The following DRAXIN variants were observed in gnomAD, a reference collection of about 807,000 sequenced individuals.
DRAXIN encodes dorsal repulsive axon guidance protein.
Under a neutral mutation model 33.9 loss-of-function variants are expected in DRAXIN, and 27 were observed. That is an observed-to-expected ratio of 0.80 (90% CI 0.59 to 1.10). The LOEUF (loss-of-function observed/expected upper bound fraction) is 1.10, where lower values mean the gene tolerates loss of function less well. DRAXIN is among the 50% of genes least tolerant of loss of function. The pLI is 0.00. For synonymous variants in DRAXIN, 178 were observed against 194.0 expected (o/e 0.92, Z 0.69); for missense variants, 371 against 460.8 (o/e 0.81, Z 1.78).
Position 11,721,097 on chromosome 1 carries a change from C to T in DRAXIN, c.*1401C>T, listed in dbSNP as rs1238346418. 6.6e-6 allele frequency: 1 copy of T among 152,210 alleles called. No individual in the cohort carries two copies. The highest frequency in any genetic ancestry group is 1.5e-5 in the Non-Finnish European group (1 of 68,062). The allele number at this position is 152,210 out of a possible 1,614,324, so 9.4% of individuals were successfully genotyped here. A position where few individuals can be genotyped will look rare whatever the true frequency, so the allele number is the denominator to read the frequency against. ...AGGCACTTTACAGTTTTCTGGAGCACTTCCCCCCCAGGGGTTCTGATGCAA... is the reference window on the plus strand; with the variant it reads ...AGGCACTTTACAGTTTTCTGGAGCATTTCCCCCCCAGGGGTTCTGATGCAA... On this transcript the variant is annotated 3_prime_UTR_variant, in exon 7 of 7. Coordinates refer to ENST00000294485, the MANE Select transcript of DRAXIN (RefSeq NM_198545.4).
At chr1:11,719,117 T>C (rs1247932047) in intron 6 of DRAXIN, among the ~76,000 whole-genome samples, 6 of 152,302 alleles carry the variant, frequency 3.9e-5, no homozygotes, top group Middle Eastern at 6.8e-3. Context: ...TTGGCCAGGC[T>C]GGTCTCAAAC....
rs112081253 is a variant in DRAXIN at position 11,692,510 on chromosome 1, C to G, written c.-11+657C>G. ...GGCGCTGGTCTTTCGCCTGTGGTCT[C>G]CCGCTCTGTCCCTCCTGCTCCCCAC... On this transcript the variant is annotated intron_variant, in intron 1 of 6. Coordinates refer to ENST00000294485, the MANE Select transcript of DRAXIN (RefSeq NM_198545.4). The surrounding 1 kb of genome is among the most constrained non-coding windows in gnomAD (Gnocchi z 5.8). 1.2e-4 allele frequency among the ~76,000 whole-genome samples: 18 copies of G among 152,314 alleles called. No homozygotes were observed. Among genetic ancestry groups the G allele is most frequent in the African/African-American group, 4.3e-4 (18 of 41,572 alleles).
chr1:11,702,351 GACA>G (rs1314026690), intron 1 of DRAXIN, among the ~76,000 whole-genome samples: 2 of 136,288 alleles, frequency 1.5e-5, no homozygotes, highest in East Asian at 2.2e-4. Flanking sequence ...CACATACACT[GACA>G]ACACACACAC....
At chr1:11,719,536 G>A (rs781718519) in intron 6 of DRAXIN, 48 bp from the exon 7 acceptor site, 16 of 1,515,092 alleles carry the variant, frequency 1.1e-5, no homozygotes, top group African/African-American at 1.4e-5. Flanking sequence ...GGAAGGGGAG[G>A]GCACGGGCCC....
At chr1:11,698,959 T>C (rs1220661649) in intron 1 of DRAXIN, among the ~76,000 whole-genome samples, 1 of 152,190 alleles carries the variant, frequency 6.6e-6, no homozygotes. Context: ...GGGGATACAA[T>C]TCCTCCCCAC....
rs1243056596 is a variant in DRAXIN, at chr1:11,704,392, C to T, written c.-10-1857C>T. On this transcript the variant is annotated intron_variant, in intron 1 of 6. Transcript: ENST00000294485. The surrounding 1 kb of genome is among the most constrained non-coding windows in gnomAD (Gnocchi z 4.6). ...CAGCCCAGAGAGCAGCCCCGCTCCA[C>T]TGGCCCCGAAGCAGGATTGAGGTTC... is the stretch of plus-strand genomic sequence containing the variant. Among the ~76,000 whole-genome samples, 1 of 152,258 alleles carries T rather than the reference C, an allele frequency of 6.6e-6. No individual in the cohort carries two copies. The highest frequency in any genetic ancestry group is 1.5e-5 in the Non-Finnish European group (1 of 68,044).
Position 11,724,532 on chromosome 1 carries a change from A to G in DRAXIN, c.*4836A>G, listed in dbSNP as rs1641712792. ...CAGCCCCTTGAGGAGTGACCAAGCCACAAAGTAAATCCTAAAGCCACAACC... is the reference window on the plus strand; with the variant it reads ...CAGCCCCTTGAGGAGTGACCAAGCCGCAAAGTAAATCCTAAAGCCACAACC... On this transcript the variant is annotated 3_prime_UTR_variant, in exon 7 of 7. Coordinates refer to ENST00000294485, the MANE Select transcript of DRAXIN (RefSeq NM_198545.4). 1 of 152,342 alleles carries G rather than the reference A, an allele frequency of 6.6e-6. No homozygotes were observed. Among genetic ancestry groups the G allele is most frequent in the Non-Finnish European group, 1.5e-5 (1 of 68,114 alleles). The allele number at this position is 152,342 out of a possible 1,614,324, so 9.4% of individuals were successfully genotyped here. A position where few individuals can be genotyped will look rare whatever the true frequency, so the allele number is the denominator to read the frequency against.
chr1:11,710,184 CA>C (rs34519157), intron 3 of DRAXIN, among the ~76,000 whole-genome samples: 73,073 of 122,142 alleles, frequency 0.6, 19,975 homozygotes, highest in African/African-American at 0.7. Context: ...GACTTTGTCT[CA>C]AAAAAAAAAA....
rs371999753 is a variant in DRAXIN at position 11,712,349 on chromosome 1, G to A, written c.767G>A (p.Arg256His). The A allele has an allele frequency of 7.2e-5, 117 of 1,613,856 alleles. No individual in the cohort carries two copies. The highest frequency in any genetic ancestry group is 6.7e-5 in the East Asian group (3 of 44,886). ...WPSAKKKEKH[R>H]GKLSSDGNET... is the part of the protein sequence containing the mutation. ...ATCTTCTTATCCCCAGAGAAACACC[G>A]CGGTAAACTCTCCAGTGATGGTAAC... is the stretch of plus-strand genomic sequence containing the variant. The change falls in exon 5 of 7, where the codon CGC (arginine) becomes CAC (histidine). Residue 256 changes from arginine (R) to histidine (H), a missense_variant. Transcript: ENST00000294485.
At chr1:11,719,559 A>AC (rs773021157) in intron 6 of DRAXIN, 25 bp from the exon 7 acceptor site, 136 of 1,587,162 alleles carry the variant, frequency 8.6e-5, no homozygotes, top group Middle Eastern at 3.9e-4. Context: ...CGCGCCTCTG[A>AC]CCCCCCTTGC....
intron 1 of DRAXIN, among the ~76,000 whole-genome samples, chr1:11,702,671 T>TACATGCCAGATGCTCACACAC (rs1380491130): frequency 6.6e-6 from 1 of 151,302 alleles, no homozygotes; most frequent in Non-Finnish European, 1.5e-5. Flanking sequence ...TGCTCACACA[T>TACATGCCAGATGCTCACACAC]ACATGCCAGA....
At chr1:11,688,517 C>T (rs554569908), upstream of DRAXIN, among the ~76,000 whole-genome samples, 14 of 151,794 alleles carry the variant, frequency 9.2e-5, no homozygotes, top group African/African-American at 2.4e-5. This position sits in a 1 kb window ranked among gnomAD's most constrained non-coding sequence, Gnocchi z 4.6. Flanking sequence ...GCCAAGATCG[C>T]GCCACTGCAC....
Position 11,696,650 on chromosome 1 carries a change from C to T in DRAXIN, c.-11+4797C>T, listed in dbSNP as rs1189921560. 6.6e-6 allele frequency among the ~76,000 whole-genome samples: 1 copy of T among 151,728 alleles called. No individual in the cohort carries two copies. The highest frequency in any genetic ancestry group is 1.5e-5 in the Non-Finnish European group (1 of 67,960). ...CGAGCAGGTCACGAGGTCAAGAGAT[C>T]GAGAACATCCTAATCAACACGGTGA... On this transcript the variant is annotated intron_variant, in intron 1 of 6. Transcript: ENST00000294485. The surrounding 1 kb of genome is among the most constrained non-coding windows in gnomAD (Gnocchi z 4.7).
chr1:11,705,365 A>C lies in DRAXIN; in HGVS notation c.-10-884A>C, dbSNP rs910348463. 3.3e-5 allele frequency among the ~76,000 whole-genome samples: 5 copies of C among 152,146 alleles called. No individual in the cohort carries two copies. Among genetic ancestry groups the C allele is most frequent in the African/African-American group, 1.2e-4 (5 of 41,542 alleles). On this transcript the variant is annotated intron_variant, in intron 1 of 6. Transcript: ENST00000294485. This position sits in a 1 kb window ranked among gnomAD's most constrained non-coding sequence, Gnocchi z 4.8. ...CCCCTGAGCTGCAGCTTCTCCCTCC[A>C]GTGTGGAGGGAGGGCACTGGGTCCC... is the stretch of plus-strand genomic sequence containing the variant.
intron 3 of DRAXIN, among the ~76,000 whole-genome samples, chr1:11,710,935 A>G (rs28447221): frequency 6.7e-6 from 1 of 149,650 alleles, no homozygotes; most frequent in Non-Finnish European, 1.5e-5. Flanking sequence ...AAAAAAAAAA[A>G]GGTTTTCAAA....
upstream of DRAXIN, among the ~76,000 whole-genome samples, chr1:11,687,591 GTC>G (rs2100720449): frequency 6.6e-6 from 1 of 152,188 alleles, no homozygotes; most frequent in South Asian, 2.1e-4. This position sits in a 1 kb window ranked among gnomAD's most constrained non-coding sequence, Gnocchi z 4.1. Flanking sequence ...TGCCAGGCTG[GTC>G]TCCAACTCCT....
intron 2 of DRAXIN, among the ~76,000 whole-genome samples, chr1:11,707,140 G>A (rs1054152476): frequency 1.3e-5 from 2 of 152,210 alleles, no homozygotes; most frequent in African/African-American, 4.8e-5. Context: ...GGCGGAGCTT[G>A]CAGTGAGCTG....
upstream of DRAXIN, among the ~76,000 whole-genome samples, chr1:11,690,627 G>T (rs894654281): frequency 1.3e-5 from 2 of 152,182 alleles, no homozygotes; most frequent in African/African-American, 2.4e-5. This position sits in a 1 kb window ranked among gnomAD's most constrained non-coding sequence, Gnocchi z 4.2. Context: ...GAAAACAGTC[G>T]AAATGGAAGC....
Position 11,721,110 on chromosome 1 carries a change from G to C in DRAXIN, c.*1414G>C, listed in dbSNP as rs1641654196. ...TTTTCTGGAGCACTTCCCCCCCAGGGGTTCTGATGCAAGCATGGAATCCAA... is the reference window on the plus strand; with the variant it reads ...TTTTCTGGAGCACTTCCCCCCCAGGCGTTCTGATGCAAGCATGGAATCCAA... On this transcript the variant is annotated 3_prime_UTR_variant, in exon 7 of 7. Transcript: ENST00000294485. The C allele has an allele frequency of 6.6e-6, 1 of 152,130 alleles. No homozygotes were observed. Among genetic ancestry groups the C allele is most frequent in the South Asian group, 2.1e-4 (1 of 4,824 alleles). The allele number at this position is 152,130 out of a possible 1,614,324, so 9.4% of individuals were successfully genotyped here.
Sources: allele counts gnomAD v4.1 joint callset (sites outside exome capture counted in the v4.1 genomes callset), GRCh38; gene constraint gnomAD v4.1.1; non-coding constraint Gnocchi (gnomAD v3.1); transcripts MANE v1.5; gene names NCBI Gene and HGNC (gene_info 2026-07-23, HGNC 2026-07-21).